Variants in VTI1A observed in about 807,000 individuals in gnomAD.
VTI1A encodes the protein vesicle transport through interaction with t-SNAREs homolog 1A.
In VTI1A, 22 loss-of-function variants were observed where a neutral mutation model predicts 34.9. The observed-to-expected ratio is 0.63, with a 90% CI of 0.45 to 0.90. VTI1A has a LOEUF of 0.90. Ranked by LOEUF, VTI1A falls within the 40% of genes least tolerant of loss-of-function variation. The probability of loss-of-function intolerance (pLI) is 0.00; values close to 1 mark genes in which losing one functional copy is unlikely to be tolerated. For synonymous variants in VTI1A, 87 were observed against 97.3 expected (o/e 0.89, Z 0.62); for missense variants, 268 against 275.6 (o/e 0.97, Z 0.20).
intron 7 of VTI1A, among the ~76,000 whole-genome samples, chr10:112,784,005 A>G (rs1217271439): frequency 6.6e-6 from 1 of 152,244 alleles, no homozygotes; most frequent in Admixed American, 6.5e-5. Flanking sequence ...CCAACCTTGA[A>G]GCAAAATGGG....
intron 7 of VTI1A, among the ~76,000 whole-genome samples, chr10:112,772,931 T>C (rs1384304538): frequency 1.3e-5 from 2 of 152,162 alleles, no homozygotes; most frequent in East Asian, 3.9e-4. Context: ...AGTTTAGCAA[T>C]AGAATGCCAC....
At chr10:112,500,431 C>CAAAAAAAGA (rs1490286516) in intron 3 of VTI1A, among the ~76,000 whole-genome samples, 1 of 140,448 alleles carries the variant, frequency 7.1e-6, no homozygotes, top group African/African-American at 2.7e-5. Context: ...GACTCCATCT[C>CAAAAAAAGA]AAAAAAAGAA....
At chr10:112,483,874 A>G (rs1848530715) in intron 3 of VTI1A, among the ~76,000 whole-genome samples, 1 of 152,228 alleles carries the variant, frequency 6.6e-6, no homozygotes, top group Admixed American at 6.5e-5. Context: ...CAGCCAGTTT[A>G]TAATTCAGAC....
intron 5 of VTI1A, among the ~76,000 whole-genome samples, chr10:112,576,230 T>C (rs1264386216): frequency 1.3e-5 from 2 of 151,290 alleles, no homozygotes; most frequent in Non-Finnish European, 2.9e-5. Flanking sequence ...CCGTGTTAGC[T>C]AAGATGGTCT....
intron 5 of VTI1A, among the ~76,000 whole-genome samples, chr10:112,618,524 T>TATAGAGAGAGAGAGAGAGAGAGAGAG (rs748276058): frequency 2.6e-4 from 9 of 34,584 alleles, no homozygotes; most frequent in African/African-American, 9.8e-4. Context: ...TATATATATA[T>TATAGAGAGAGAGAGAGAGAGAGAGAG]AGAGAGAGAG....
At chr10:112,725,379 T>G (rs1030123933) in intron 7 of VTI1A, among the ~76,000 whole-genome samples, 1 of 152,244 alleles carries the variant, frequency 6.6e-6, no homozygotes, top group Non-Finnish European at 1.5e-5. Context: ...AAATTAATAC[T>G]TAGATCAAAT....
At chr10:112,519,686 G>A (rs1434302304) in intron 3 of VTI1A, among the ~76,000 whole-genome samples, 1 of 152,070 alleles carries the variant, frequency 6.6e-6, no homozygotes, top group South Asian at 2.1e-4. Flanking sequence ...ATGGGGTTCT[G>A]TCCTTGTTCT....
intron 1 of VTI1A, among the ~76,000 whole-genome samples, chr10:112,451,699 A>G (rs7068601): frequency 0.19 from 29,202 of 152,198 alleles, 3,097 homozygotes; most frequent in African/African-American, 0.29. Context: ...TGTCTAGACC[A>G]TCTAGACTTA....
intron 3 of VTI1A, among the ~76,000 whole-genome samples, chr10:112,502,562 A>G (rs544783043): frequency 6.6e-6 from 1 of 152,358 alleles, no homozygotes; most frequent in East Asian, 1.9e-4. Flanking sequence ...AATTTCTTAC[A>G]TGAACATGAC....
At chr10:112,842,592 C>G in the VTI1A span, among the ~76,000 whole-genome samples, 1 of 152,190 alleles carries the variant, frequency 6.6e-6, no homozygotes, top group African/African-American at 2.4e-5. Context: ...TGAAAAGAAC[C>G]AAGCTGTTTC....
intron 7 of VTI1A, among the ~76,000 whole-genome samples, chr10:112,759,571 CTT>C (rs1851391211): frequency 6.6e-6 from 1 of 152,224 alleles, no homozygotes; most frequent in African/African-American, 2.4e-5. Context: ...TTGCAAAACA[CTT>C]TTCAAACAAG....
intron 1 of VTI1A, among the ~76,000 whole-genome samples, chr10:112,458,094 A>C (rs185900513): frequency 2.5e-4 from 38 of 152,226 alleles, no homozygotes; most frequent in African/African-American, 8.4e-4. Context: ...ACTGGTGATG[A>C]AAGGAGAGGA....
chr10:112,688,864 T>G (rs921332244), intron 7 of VTI1A, among the ~76,000 whole-genome samples: 5 of 152,154 alleles, frequency 3.3e-5, no homozygotes, highest in Non-Finnish European at 7.4e-5. Context: ...TTCATAGTTA[T>G]TATAGTTATT....
the VTI1A span, among the ~76,000 whole-genome samples, chr10:112,830,936 AC>A: frequency 1.4e-5 from 2 of 143,974 alleles, no homozygotes; most frequent in African/African-American, 5.2e-5. Flanking sequence ...AGCAGCTTTG[AC>A]CCCCCAGGCT....
intron 5 of VTI1A, among the ~76,000 whole-genome samples, chr10:112,554,959 A>G (rs1451625409): frequency 6.6e-6 from 1 of 152,172 alleles, no homozygotes; most frequent in African/African-American, 2.4e-5. Context: ...CTATCCCCAC[A>G]TGCCCATCTT....
chr10:112,595,462 C>G (rs963492813), intron 5 of VTI1A, among the ~76,000 whole-genome samples: 6 of 151,854 alleles, frequency 4.0e-5, no homozygotes, highest in African/African-American at 1.5e-4. Flanking sequence ...AACAAATTTA[C>G]AAGAAAAAAA....
Position 112,668,941 on chromosome 10 carries a change from G to C in VTI1A, c.503G>C (p.Arg168Pro). 6.2e-7 allele frequency: 1 copy of C among 1,611,944 alleles called. No individual in the cohort carries two copies. The highest frequency in any genetic ancestry group is 8.5e-7 in the Non-Finnish European group (1 of 1,178,496). Residue 168 changes from arginine (R) to proline (P), a missense_variant, in exon 7 of 8, where the codon CGG becomes CCG. Transcript: ENST00000393077. ...EKIQRARERL[R>P]ETDANLGKSS... ...TTGTTTTGTTTCTTCTTGTAGCTTC[G>C]GGAAACAGATGCTAATTTGGGAAAA...
intron 2 of VTI1A, among the ~76,000 whole-genome samples, chr10:112,462,207 GATTA>G (rs1358124296): frequency 6.6e-6 from 1 of 152,160 alleles, no homozygotes; most frequent in Non-Finnish European, 1.5e-5. Context: ...TGACTATTGG[GATTA>G]ATTGTGTTTC....
At chr10:112,693,087 A>G (rs1848661314) in intron 7 of VTI1A, among the ~76,000 whole-genome samples, 1 of 152,256 alleles carries the variant, frequency 6.6e-6, no homozygotes, top group African/African-American at 2.4e-5. Context: ...TTAAGCACTC[A>G]AACATAGAAT....
Sources: allele counts gnomAD v4.1 joint callset (sites outside exome capture counted in the v4.1 genomes callset), GRCh38; gene constraint gnomAD v4.1.1; transcripts MANE v1.5; gene names NCBI Gene and HGNC (gene_info 2026-07-23, HGNC 2026-07-21).